The following ADGRL3 variants were observed in gnomAD, a reference collection of about 807,000 sequenced individuals.
ADGRL3 encodes adhesion G protein-coupled receptor L3.
A neutral mutation model predicts 153.5 loss-of-function variants in ADGRL3; 62 were observed. The observed-to-expected ratio is 0.40, with a 90% CI of 0.33 to 0.50. The LOEUF (loss-of-function observed/expected upper bound fraction) is 0.50, where lower values mean the gene tolerates loss of function less well. ADGRL3 is among the 20% of genes least tolerant of loss of function. ADGRL3 has a pLI of 0.47. For synonymous variants in ADGRL3, 710 were observed against 672.5 expected (o/e 1.06, Z -0.86); for missense variants, 1,641 against 1,859.4 (o/e 0.88, Z 2.16).
rs778904387 is a variant in ADGRL3, at chr4:61,272,254, A to C, written c.-240+70489A>C. Among the ~76,000 whole-genome samples, 198 of 152,100 alleles carry C rather than the reference A, an allele frequency of 1.3e-3. 3 individuals carry two copies. Among genetic ancestry groups the C allele is most frequent in the Middle Eastern group, 6.8e-3 (2 of 292 alleles). ...TCATGATACTAATTTTTAAAGTTTT[A>C]TGTGTCAGTTTTTTTAATTTTAATG... On this transcript the variant is annotated intron_variant, in intron 1 of 26. Transcript: ENST00000683033.
At chr4:61,513,886 C>A (rs959396340) in intron 3 of ADGRL3, among the ~76,000 whole-genome samples, 1 of 152,058 alleles carries the variant, frequency 6.6e-6, no homozygotes, top group East Asian at 1.9e-4. Flanking sequence ...ATTAACTTTG[C>A]GACATCTTAA....
At chr4:61,781,137 A>T (rs1487410277) in intron 8 of ADGRL3, among the ~76,000 whole-genome samples, 1 of 151,718 alleles carries the variant, frequency 6.6e-6, no homozygotes, top group Admixed American at 6.6e-5. Flanking sequence ...GACCAGCCTG[A>T]CCAACATGGA....
At chr4:61,862,364 T>C (rs180831375) in intron 9 of ADGRL3, among the ~76,000 whole-genome samples, 2 of 152,082 alleles carry the variant, frequency 1.3e-5, no homozygotes, top group Admixed American at 1.3e-4. Context: ...CCAGCCAGAG[T>C]CTAGATCAGC....
At chr4:61,332,242 G>T (rs2095587184) in intron 1 of ADGRL3, among the ~76,000 whole-genome samples, 1 of 152,080 alleles carries the variant, frequency 6.6e-6, no homozygotes, top group Admixed American at 6.6e-5. Context: ...AAAAGCTTTA[G>T]TGGACCTGTG....
chr4:61,774,273 C>G (rs1340552416), intron 8 of ADGRL3, among the ~76,000 whole-genome samples: 1 of 151,056 alleles, frequency 6.6e-6, no homozygotes, highest in African/African-American at 2.4e-5. Flanking sequence ...AGGAGAATCA[C>G]TTGAACCTGG....
intron 8 of ADGRL3, among the ~76,000 whole-genome samples, chr4:61,801,661 A>T (rs116729436): frequency 6.6e-6 from 1 of 152,108 alleles, no homozygotes; most frequent in South Asian, 2.1e-4. Flanking sequence ...TAAGGCATCA[A>T]TTGCTCCTTC....
At chr4:61,756,158 A>G (rs2096827535) in intron 8 of ADGRL3, among the ~76,000 whole-genome samples, 1 of 152,162 alleles carries the variant, frequency 6.6e-6, no homozygotes, top group Admixed American at 6.5e-5. Flanking sequence ...CTGTGGAGAA[A>G]GTCGTTGGTA....
chr4:61,981,914 T>C (rs963917616), intron 18 of ADGRL3, among the ~76,000 whole-genome samples: 5 of 152,298 alleles, frequency 3.3e-5, no homozygotes, highest in Non-Finnish European at 7.4e-5. Flanking sequence ...ATATTTTTAA[T>C]TGGGCATCAT....
chr4:62,014,117 A>G (rs1392309814), intron 21 of ADGRL3, among the ~76,000 whole-genome samples: 1 of 152,124 alleles, frequency 6.6e-6, no homozygotes, highest in Non-Finnish European at 1.5e-5. Context: ...AGGAATGTTC[A>G]AGTTACCAAA....
At chr4:61,758,473 T>G (rs919965753) in intron 8 of ADGRL3, among the ~76,000 whole-genome samples, 1 of 152,206 alleles carries the variant, frequency 6.6e-6, no homozygotes, top group African/African-American at 2.4e-5. Flanking sequence ...TGGTTTAAAG[T>G]CTGTTTTATC....
At chr4:61,241,085 A>T (rs1017989022) in intron 1 of ADGRL3, among the ~76,000 whole-genome samples, 1 of 152,048 alleles carries the variant, frequency 6.6e-6, no homozygotes, top group Non-Finnish European at 1.5e-5. Context: ...TATCTTTTAC[A>T]CACACATACA....
At chr4:61,360,742 A>T (rs568760860) in intron 1 of ADGRL3, among the ~76,000 whole-genome samples, 5 of 152,188 alleles carry the variant, frequency 3.3e-5, no homozygotes, top group African/African-American at 1.2e-4. Flanking sequence ...GACATTTATT[A>T]TCTATTTGTC....
chr4:62,058,612 G>A (rs990207132), intron 25 of ADGRL3, among the ~76,000 whole-genome samples: 3 of 152,138 alleles, frequency 2.0e-5, no homozygotes, highest in South Asian at 2.1e-4. Context: ...ATGTAATATT[G>A]TAACTATCTC....
intron 1 of ADGRL3, among the ~76,000 whole-genome samples, chr4:61,363,334 C>G (rs970632778): frequency 1.4e-5 from 2 of 138,346 alleles, no homozygotes; most frequent in Non-Finnish European, 3.3e-5. Flanking sequence ...AAGTAAAAGC[C>G]GGTAATTTTT....
intron 9 of ADGRL3, among the ~76,000 whole-genome samples, chr4:61,818,811 T>C (rs1472982266): frequency 6.6e-6 from 1 of 152,188 alleles, no homozygotes; most frequent in African/African-American, 2.4e-5. Context: ...AATTGTTCTG[T>C]GATTAATTGT....
intron 12 of ADGRL3, among the ~76,000 whole-genome samples, chr4:61,912,512 G>A (rs2098726354): frequency 6.6e-6 from 1 of 152,110 alleles, no homozygotes; most frequent in South Asian, 2.1e-4. Flanking sequence ...TTTCACTTAG[G>A]TTGTTCTGAA....
intron 2 of ADGRL3, among the ~76,000 whole-genome samples, chr4:61,453,469 C>T (rs1476994097): frequency 1.3e-5 from 2 of 152,060 alleles, no homozygotes; most frequent in Non-Finnish European, 2.9e-5. Flanking sequence ...GTTCCGGGCA[C>T]ACCTCCTGTA....
At chr4:61,234,231 C>T (rs977455835) in intron 1 of ADGRL3, among the ~76,000 whole-genome samples, 4 of 152,076 alleles carry the variant, frequency 2.6e-5, no homozygotes, top group East Asian at 3.9e-4. Context: ...ATGGTTAGGG[C>T]GGCCTCAGAA....
At chr4:61,274,193 C>T (rs1398370742) in intron 1 of ADGRL3, among the ~76,000 whole-genome samples, 1 of 152,170 alleles carries the variant, frequency 6.6e-6, no homozygotes, top group African/African-American at 2.4e-5. Flanking sequence ...TATTTGGTGA[C>T]AGAGTCCTGG....
Sources: allele counts gnomAD v4.1 joint callset (sites outside exome capture counted in the v4.1 genomes callset), GRCh38; gene constraint gnomAD v4.1.1; transcripts MANE v1.5; gene names NCBI Gene and HGNC (gene_info 2026-07-23, HGNC 2026-07-21).